The following TSC2 variants were observed in gnomAD, a reference collection of about 807,000 sequenced individuals.
TSC2 encodes tuberin.
TSC2 carries 29 observed loss-of-function variants against 202.2 expected under a neutral mutation model. That is an observed-to-expected ratio of 0.14 (90% CI 0.11 to 0.20). The LOEUF is 0.20. TSC2 is among the 10% of genes least tolerant of loss of function. The pLI is 1.00. For missense variants in TSC2, 2,429 were observed against 2,420.0 expected (o/e 1.00, Z -0.08); for synonymous variants, 1,349 against 1,044.0 (o/e 1.29, Z -5.63).
In TSC2 at chr16:2,069,960, A is replaced by G. The variant is rs369732875; in HGVS notation, c.1717-496A>G. Reference sequence around the variant, plus strand: ...TTTTAATCATTTAAAGGTGTTAATCATTTCTTTAAAAGAATAACAGTGTAA... The same window carrying G: ...TTTTAATCATTTAAAGGTGTTAATCGTTTCTTTAAAAGAATAACAGTGTAA... On this transcript the variant is annotated intron_variant, in intron 16 of 41. Transcript: ENST00000219476. 3.0e-4 allele frequency among the ~76,000 whole-genome samples: 46 copies of G among 152,312 alleles called. 1 individual carries two copies. Among genetic ancestry groups the G allele is most frequent in the African/African-American group, 1.0e-3 (43 of 41,564 alleles).
In TSC2 at chr16:2,088,292, C is replaced by CCGGCTCCGCCACATCAAG. The variant is rs137854218; in HGVS notation, c.5238_5255dup (p.His1746_Arg1751dup). 2.5e-6 allele frequency: 4 copies of CCGGCTCCGCCACATCAAG among 1,612,912 alleles called. No homozygotes were observed. Among genetic ancestry groups the CCGGCTCCGCCACATCAAG allele is most frequent in the Non-Finnish European group, 3.4e-6 (4 of 1,180,028 alleles). On this transcript the variant is annotated inframe_insertion, in exon 41 of 42. Transcript: ENST00000219476. ...ATATCTACCCCTCCAAGTGGATTGCCCGGCTCCGCCACATCAAGCGGCTCC... is the reference window on the plus strand; with the variant it reads ...ATATCTACCCCTCCAAGTGGATTGCCCGGCTCCGCCACATCAAGCGGCTCCGCCACATCAAGCGGCTCC...
Position 2,088,437 on chromosome 16 carries a change from T to C in TSC2, c.5260-9T>C, listed in dbSNP as rs775095745. ...CCAGACTTACTGCCCAAGCCGCCTC[T>C]GCCTTCAGATCTGCGAGGAAGCCGC... On this transcript the variant is annotated splice_polypyrimidine_tract_variant and intron_variant, in intron 41 of 41. Transcript: ENST00000219476. 11 of 1,612,774 alleles carry C rather than the reference T, an allele frequency of 6.8e-6. No homozygotes were observed. The highest frequency in any genetic ancestry group is 8.5e-6 in the Non-Finnish European group (10 of 1,180,008).
intron 11 of TSC2, 119 bp downstream of exon 11, chr16:2,060,932 G>A (rs906893200): frequency 7.4e-5 from 95 of 1,276,868 alleles, no homozygotes; most frequent in Non-Finnish European, 9.4e-5. Flanking sequence ...TGCCAGAACC[G>A]TGTTCTCTGG....
Position 2,075,815 on chromosome 16 carries a change from G to A in TSC2, c.2562G>A (p.Pro854=), listed in dbSNP as rs779606786. The A allele has an allele frequency of 1.7e-5, 28 of 1,612,672 alleles. No individual in the cohort carries two copies. The highest frequency in any genetic ancestry group is 1.6e-4 in the Middle Eastern group (1 of 6,084). The change falls in exon 23 of 42, where the codon CCG becomes CCA. Residue 854 remains proline (P), a synonymous_variant. Transcript: ENST00000219476. Reference sequence around the variant, plus strand: ...TTACCGCAGCTCTGGCCAGGCTGCCGCACCTCTACAGGAACTTTGCCGCGG... The same window carrying A: ...TTACCGCAGCTCTGGCCAGGCTGCCACACCTCTACAGGAACTTTGCCGCGG... ...LEFLSTLARL[P]HLYRNFAAEQ... is the part of the protein sequence containing the mutation.
At chr16:2,077,115 C>G (rs900546937) in intron 25 of TSC2, among the ~76,000 whole-genome samples, 1 of 152,254 alleles carries the variant, frequency 6.6e-6, no homozygotes, top group Non-Finnish European at 1.5e-5. Flanking sequence ...GTCTCCAGCC[C>G]CTGGGGGCCG....
chr16:2,070,177 C>T (rs2088053950), intron 16 of TSC2, among the ~76,000 whole-genome samples: 1 of 152,184 alleles, frequency 6.6e-6, no homozygotes, highest in South Asian at 2.1e-4. Flanking sequence ...CACTCCCCGC[C>T]CCATTCTGCC....
intron 2 of TSC2, 94 bp from the exon 3 acceptor site, chr16:2,050,306 A>G (rs2084940732): frequency 8.5e-7 from 1 of 1,176,396 alleles, no homozygotes; most frequent in African/African-American, 1.5e-5. Flanking sequence ...TAGTCTGGAA[A>G]ATGCAGTGGG....
intron 15 of TSC2, chr16:2,064,836 G>A (rs1340539661): frequency 2.0e-5 from 6 of 306,718 alleles, no homozygotes; most frequent in Admixed American, 1.9e-4. Flanking sequence ...GATGAAGGCC[G>A]GGCACAGTGG....
intron 22 of TSC2, among the ~76,000 whole-genome samples, chr16:2,075,451 C>T (rs2089168603): frequency 6.9e-6 from 1 of 144,124 alleles, no homozygotes; most frequent in Non-Finnish European, 1.5e-5. Flanking sequence ...GGCGTGAACC[C>T]AGGGGGTGGA....
intron 23 of TSC2, 57 bp downstream of exon 23, chr16:2,075,949 G>A (rs1221960142): frequency 3.3e-5 from 54 of 1,612,230 alleles, no homozygotes; most frequent in South Asian, 1.4e-4. Context: ...TAGGCCTTGC[G>A]GCAGAAAGCC....
At chr16:2,082,341 T>G (rs2090243439) in intron 31 of TSC2, 95 bp from the exon 32 acceptor site, 4 of 1,456,280 alleles carry the variant, frequency 2.7e-6, no homozygotes, top group Middle Eastern at 1.7e-4. Flanking sequence ...GGCCCTGCCC[T>G]CTCTCCTCTG....
chr16:2,072,073 C>T (rs1179325875), intron 19 of TSC2, 139 bp downstream of exon 19: 14 of 1,482,718 alleles, frequency 9.4e-6, no homozygotes, highest in African/African-American at 5.6e-5. Context: ...CCCCCTTCCC[C>T]GAGCAGCTGC....
intron 5 of TSC2, chr16:2,054,725 G>A: frequency 2.0e-6 from 1 of 511,500 alleles, no homozygotes; most frequent in Middle Eastern, 5.5e-4. Flanking sequence ...GGCGAGTTCT[G>A]TCACTGGGAG....
rs1555505006 is a variant in TSC2, at chr16:2,070,436, G to A, written c.1717-20G>A. Reference sequence around the variant, plus strand: ...GTTTTCACCTCCTGCGCCGTGGTGAGCTGCGTCCTCTCTCTGCAGACCAAG... The same window carrying A: ...GTTTTCACCTCCTGCGCCGTGGTGAACTGCGTCCTCTCTCTGCAGACCAAG... On this transcript the variant is annotated intron_variant, in intron 16 of 41. Coordinates refer to ENST00000219476, the MANE Select transcript of TSC2 (RefSeq NM_000548.5). The A allele has an allele frequency of 1.9e-6, 3 of 1,613,188 alleles. No homozygotes were observed. The highest frequency in any genetic ancestry group is 2.5e-6 in the Non-Finnish European group (3 of 1,180,030).
At position 2,071,819 on chromosome 16, in the gene TSC2, G is replaced by T. The variant is rs1213719461; in HGVS notation, c.1982G>T (p.Gly661Val). 2.5e-6 allele frequency: 4 copies of T among 1,589,048 alleles called. No individual in the cohort carries two copies. The highest frequency in any genetic ancestry group is 3.4e-6 in the Non-Finnish European group (4 of 1,172,758). ...PERGSEKKTS[G>V]PLSPPTGPPG... ...AGAGGCTCTGAGAAGAAGACCAGCG[G>T]CCCCCTTTCTCCTCCCACAGGGCCT... Residue 661 changes from glycine to valine, a missense_variant, in exon 19 of 42, where the codon GGC (glycine) becomes GTC (valine). Transcript: ENST00000219476.
chr16:2,078,818 G>A (rs993146504), intron 26 of TSC2: 2 of 634,388 alleles, frequency 3.2e-6, no homozygotes, highest in Admixed American at 5.0e-5. Flanking sequence ...CCGACCAGTA[G>A]GCCTGGTCTT....
At chr16:2,078,903 C>T in intron 26 of TSC2, 129 bp from the exon 27 acceptor site, 1 of 1,269,062 alleles carries the variant, frequency 7.9e-7, no homozygotes, top group African/African-American at 1.5e-5. Flanking sequence ...GCTGGGCCGC[C>T]CACGCCCTGT....
intron 3 of TSC2, among the ~76,000 whole-genome samples, chr16:2,051,126 C>T (rs1432593448): frequency 6.6e-6 from 1 of 151,770 alleles, no homozygotes; most frequent in African/African-American, 2.4e-5. Context: ...GAGTTCAAGA[C>T]CACTCTGGCC....
At chr16:2,083,955 G>A (rs750185293) in intron 33 of TSC2, 139 bp downstream of exon 33, 9 of 1,428,750 alleles carry the variant, frequency 6.3e-6, no homozygotes, top group Non-Finnish European at 7.4e-6. Flanking sequence ...CTCGTGCACA[G>A]ACGGTCTGCA....
Sources: allele counts gnomAD v4.1 joint callset (sites outside exome capture counted in the v4.1 genomes callset), GRCh38; gene constraint gnomAD v4.1.1; transcripts MANE v1.5; gene names NCBI Gene and HGNC (gene_info 2026-07-23, HGNC 2026-07-21).